Variants in BPTF observed in about 807,000 individuals in gnomAD.
BPTF encodes the protein bromodomain PHD finger transcription factor.
BPTF carries 18 observed loss-of-function variants against 292.5 expected under a neutral mutation model. That is an observed-to-expected ratio of 0.06 (90% CI 0.04 to 0.09). The LOEUF is 0.09. Among genes scored for constraint, BPTF ranks in the 10% least tolerant of loss-of-function variants. BPTF has a pLI of 1.00. For synonymous variants in BPTF, 1,225 were observed against 1,251.9 expected (o/e 0.98, Z 0.45); for missense variants, 2,726 against 3,498.7 (o/e 0.78, Z 5.57).
At chr17:67,849,096 C>G (rs781339001) in intron 1 of BPTF, among the ~76,000 whole-genome samples, 17 of 152,132 alleles carry the variant, frequency 1.1e-4, no homozygotes, top group Non-Finnish European at 2.2e-4. Context: ...GTTTCCAAAA[C>G]CCTTTCTGCT....
chr17:67,912,260 A>C lies in BPTF; in HGVS notation c.4376A>C (p.Glu1459Ala), dbSNP rs2062705448. 1.1e-5 allele frequency: 17 copies of C among 1,612,666 alleles called. No homozygotes were observed. The highest frequency in any genetic ancestry group is 1.4e-5 in the Non-Finnish European group (17 of 1,179,398). ...ENDIKSLTVK[E>A]SAIRPFINGD... ...GATATTAAATCATTGACTGTTAAAG[A>C]ATCTGCTATAAGGCCATTCATTAAT... is the stretch of plus-strand genomic sequence containing the variant. Residue 1459 changes from glutamate (E) to alanine (A), a missense_variant, in exon 11 of 28, where the codon GAA (glutamate) becomes GCA (alanine). Physicochemically the swap from Glu to Ala is moderately radical, Grantham distance 107. Transcript: ENST00000306378.
At chr17:67,963,033 A>G (rs555416789) in intron 24 of BPTF, among the ~76,000 whole-genome samples, 121 of 152,314 alleles carry the variant, frequency 7.9e-4, no homozygotes, top group African/African-American at 2.8e-3. Flanking sequence ...ATTCAGAGGA[A>G]GACATTACCA....
chr17:67,899,097 T>A (rs1227323484), intron 7 of BPTF, among the ~76,000 whole-genome samples: 1 of 152,096 alleles, frequency 6.6e-6, no homozygotes, highest in Non-Finnish European at 1.5e-5. Context: ...TGGCCAAACT[T>A]TTGTAAAATT....
intron 4 of BPTF, among the ~76,000 whole-genome samples, chr17:67,887,455 TAG>T (rs2060821134): frequency 2.0e-5 from 3 of 152,222 alleles, no homozygotes; most frequent in African/African-American, 7.2e-5. Context: ...TCTTTTTCTT[TAG>T]AGTTTCTCTG....
chr17:67,843,829 A>G (rs1012360488), intron 1 of BPTF, among the ~76,000 whole-genome samples: 13 of 136,876 alleles, frequency 9.5e-5, no homozygotes, highest in African/African-American at 3.4e-4. Flanking sequence ...GCAATGGCGC[A>G]ATCGTGGCTC....
intron 1 of BPTF, among the ~76,000 whole-genome samples, chr17:67,848,108 A>G (rs1246619021): frequency 6.6e-6 from 1 of 152,148 alleles, no homozygotes; most frequent in Admixed American, 6.5e-5. Flanking sequence ...TTTTCCTTCT[A>G]GAAACACACA....
chr17:67,959,984 TTTAAGAGTAATG>T, intron 24 of BPTF, 109 bp downstream of exon 24: 1 of 864,308 alleles, frequency 1.2e-6, no homozygotes, highest in African/African-American at 1.7e-5. Flanking sequence ...AAATATTAAA[TTTAAGAGTAATG>T]TTTCATCCAT....
chr17:67,908,828 T>A, intron 9 of BPTF, among the ~76,000 whole-genome samples: 1 of 128,130 alleles, frequency 7.8e-6, no homozygotes, highest in Non-Finnish European at 1.6e-5. Context: ...CACTGACAAT[T>A]TTTTTTTTTT....
At chr17:67,857,148 A>G (rs1054365877) in intron 2 of BPTF, among the ~76,000 whole-genome samples, 1 of 97,586 alleles carries the variant, frequency 1.0e-5, no homozygotes, top group Non-Finnish European at 2.1e-5. Context: ...GTCTTTAACA[A>G]TTTTTTTTTT....
At chr17:67,937,330 G>T (rs1299615525) in intron 18 of BPTF, among the ~76,000 whole-genome samples, 3 of 151,456 alleles carry the variant, frequency 2.0e-5, no homozygotes, top group African/African-American at 7.3e-5. Flanking sequence ...CATGGTTGGT[G>T]CCTGTAATCC....
At chr17:67,937,801 A>G (rs1400930554) in intron 18 of BPTF, among the ~76,000 whole-genome samples, 2 of 152,112 alleles carry the variant, frequency 1.3e-5, no homozygotes, top group East Asian at 3.9e-4. Flanking sequence ...CCCTCTTCCT[A>G]CGCCACACTA....
chr17:67,909,773 C>A lies in BPTF; in HGVS notation c.2992+12C>A. On this transcript the variant is annotated intron_variant, in intron 10 of 27. Transcript: ENST00000306378. ...GAAGAAGGACCAAGGTAAGGAGAGT[C>A]AGCTGTGGAGGGCAGCCTGGGGGTG... 6.5e-7 allele frequency: 1 copy of A among 1,535,112 alleles called. No individual in the cohort carries two copies. The highest frequency in any genetic ancestry group is 8.7e-7 in the Non-Finnish European group (1 of 1,144,134).
chr17:67,904,029 T>TATTG, intron 8 of BPTF, 111 bp downstream of exon 8: 1 of 948,408 alleles, frequency 1.1e-6, no homozygotes, highest in South Asian at 1.8e-5. Flanking sequence ...GTATTTTATT[T>TATTG]ATTTATTTAT....
At chr17:67,900,311 G>A (rs1407474370) in intron 7 of BPTF, among the ~76,000 whole-genome samples, 1 of 151,924 alleles carries the variant, frequency 6.6e-6, no homozygotes, top group Non-Finnish European at 1.5e-5. Context: ...TGTCGTGTTG[G>A]CCAGGCTGGT....
At chr17:67,866,278 C>T (rs1159795861) in intron 2 of BPTF, among the ~76,000 whole-genome samples, 186 bp from the exon 3 acceptor site, 3 of 152,084 alleles carry the variant, frequency 2.0e-5, no homozygotes, top group Non-Finnish European at 2.9e-5. Context: ...TTCTTTGTGT[C>T]ATGTTTTTTA....
chr17:67,929,854 G>A (rs1359323363), intron 17 of BPTF, among the ~76,000 whole-genome samples: 2 of 152,286 alleles, frequency 1.3e-5, no homozygotes, highest in African/African-American at 2.4e-5. Flanking sequence ...GGCGGCTCAC[G>A]CCTGTAATCC....
intron 5 of BPTF, among the ~76,000 whole-genome samples, chr17:67,892,656 T>C (rs2061195309): frequency 6.6e-6 from 1 of 152,230 alleles, no homozygotes; most frequent in Non-Finnish European, 1.5e-5. Context: ...TTGCAGCAAT[T>C]GCTTAAAAGC....
chr17:67,867,632 T>G (rs916061665), intron 3 of BPTF, among the ~76,000 whole-genome samples: 1 of 152,196 alleles, frequency 6.6e-6, no homozygotes, highest in Non-Finnish European at 1.5e-5. Context: ...TCTCAGACTT[T>G]CCTTGTTTTT....
chr17:67,917,152 A>C (rs1168021488), intron 11 of BPTF, among the ~76,000 whole-genome samples: 4 of 56,014 alleles, frequency 7.1e-5, no homozygotes, highest in African/African-American at 5.1e-4. Context: ...TTTTTTTTTG[A>C]GATAGAGTCT....
Sources: allele counts gnomAD v4.1 joint callset (sites outside exome capture counted in the v4.1 genomes callset), GRCh38; gene constraint gnomAD v4.1.1; transcripts MANE v1.5; gene names NCBI Gene and HGNC (gene_info 2026-07-23, HGNC 2026-07-21).